CDKL5: variants seen among roughly 807,000 people sequenced by gnomAD.
CDKL5 encodes cyclin dependent kinase like 5, also known as cyclin-dependent kinase-like 5.
CDKL5 carries 8 observed loss-of-function variants against 61.7 expected under a neutral mutation model. The observed-to-expected ratio is 0.13, with a 90% CI of 0.08 to 0.23. The LOEUF (loss-of-function observed/expected upper bound fraction) is 0.23, where lower values mean the gene tolerates loss of function less well. CDKL5 is among the 10% of genes least tolerant of loss of function. CDKL5 has a pLI of 1.00. For synonymous variants in CDKL5, 275 were observed against 272.3 expected, an observed-to-expected ratio of 1.01 and a Z score of -0.10; for missense variants, 440 against 734.5, an observed-to-expected ratio of 0.60 and a Z score of 4.63.
chrX:18,512,564 C>T (rs1274050088), intron 3 of CDKL5, among the ~76,000 whole-genome samples: 4 of 110,851 alleles, frequency 3.6e-5, no homozygotes, highest in Non-Finnish European at 7.6e-5. Context: ...GGTGATTGAA[C>T]TATTTTATGT....
At position 18,632,200 on chromosome X, in the gene CDKL5, A is replaced by G. The variant is rs940614893; in HGVS notation, c.*3443A>G. On this transcript the variant is annotated 3_prime_UTR_variant, in exon 18 of 18. Coordinates refer to ENST00000623535, the MANE Select transcript of CDKL5 (RefSeq NM_001323289.2). ...GCAGGTGTGATTTCTTCAACATCAC[A>G]TTCTCTTAAGAGTCTTCAACCACTA... is the stretch of plus-strand genomic sequence containing the variant. The G allele has an allele frequency of 1.7e-5, 13 of 751,653 alleles. No homozygotes were observed. In the Admixed American group the frequency reaches 2.6e-4, roughly 15 times the overall value. 61.9% of individuals were successfully genotyped at this position (751,653 alleles called of 1,213,427 possible).
chrX:18,581,922 C>T lies in CDKL5; in HGVS notation c.435C>T (p.His145=). ...AACCAGAAAATCTCTTAATCAGCCA[C>T]AATGATGTCCTAAAACTGTGTGACT... ...DIKPENLLIS[H]NDVLKLCDFG... The change falls in exon 7 of 18, where the codon CAC becomes CAT. Residue 145 remains histidine, a synonymous_variant. Coordinates refer to ENST00000623535, the MANE Select transcript of CDKL5 (RefSeq NM_001323289.2). 8.4e-7 allele frequency: 1 copy of T among 1,196,782 alleles called. No homozygotes were observed.
chrX:18,604,253 C>T lies in CDKL5; in HGVS notation c.1329C>T (p.Asn443=). 1 of 1,211,983 alleles carries T rather than the reference C, an allele frequency of 8.3e-7. No individual in the cohort carries two copies. The highest frequency in any genetic ancestry group is 1.8e-5 in the South Asian group (1 of 57,016). The change falls in exon 12 of 18, where the codon AAC becomes AAT. Residue 443 remains asparagine, a synonymous_variant. Coordinates refer to ENST00000623535, the MANE Select transcript of CDKL5 (RefSeq NM_001323289.2). ...AGTCAAACAGCAGATCTCAGCAGAA[C>T]CGCCACTCATTCATGGAAAGCTCTC... ...YLKSNSRSQQ[N]RHSFMESSQS... is the part of the protein sequence containing the mutation.
chrX:18,509,091 AACACACACAC>A (rs34278137), intron 2 of CDKL5, among the ~76,000 whole-genome samples: 9 of 74,877 alleles, frequency 1.2e-4, no homozygotes, highest in African/African-American at 1.5e-4. Context: ...ACTGTCTCAA[AACACACACAC>A]ACACACACAC....
Position 18,629,124 on chromosome X carries a change from T to C in CDKL5, c.*367T>C, listed in dbSNP as rs2147179561. The C allele has an allele frequency of 6.4e-6, 5 of 783,215 alleles. No homozygotes were observed. The South Asian group carries it at 2.5e-4, about 39-fold the overall frequency. 64.5% of individuals were successfully genotyped at this position (783,215 alleles called of 1,213,427 possible). On this transcript the variant is annotated 3_prime_UTR_variant, in exon 18 of 18. Coordinates refer to ENST00000623535, the MANE Select transcript of CDKL5 (RefSeq NM_001323289.2). ...GGATGTGTCCTGGCACTGCAAGGGATAGGAAAGTCGTGTTGACCGATGCCC... is the reference window on the plus strand; with the variant it reads ...GGATGTGTCCTGGCACTGCAAGGGACAGGAAAGTCGTGTTGACCGATGCCC...
At chrX:18,465,226 A>G (rs1290430501) in intron 1 of CDKL5, among the ~76,000 whole-genome samples, 6 of 110,966 alleles carry the variant, frequency 5.4e-5, no homozygotes, top group Admixed American at 1.9e-4. Flanking sequence ...TGTATGATCT[A>G]TTTCTGGGCC....
chrX:18,534,402 C>T (rs1793257922), intron 3 of CDKL5, among the ~76,000 whole-genome samples: 1 of 111,697 alleles, frequency 9.0e-6, no homozygotes, highest in African/African-American at 3.3e-5. Context: ...GTATCTTAAA[C>T]TGGATTTCTT....
At chrX:18,475,239 G>A (rs1417448480) in intron 1 of CDKL5, among the ~76,000 whole-genome samples, 8 of 110,259 alleles carry the variant, frequency 7.3e-5, no homozygotes, top group South Asian at 7.6e-4. Flanking sequence ...GATTATAGGC[G>A]TGAGCCACCA....
chrX:18,508,010 G>C (rs1225790457), intron 2 of CDKL5, among the ~76,000 whole-genome samples: 1 of 110,800 alleles, frequency 9.0e-6, no homozygotes, highest in Non-Finnish European at 1.9e-5. Context: ...ATGTCATTTT[G>C]TATAAACTGA....
At chrX:18,502,308 A>T (rs1373758821) in intron 1 of CDKL5, among the ~76,000 whole-genome samples, 1 of 112,669 alleles carries the variant, frequency 8.9e-6, no homozygotes, top group Non-Finnish European at 1.9e-5. Context: ...GGAGGCAGTC[A>T]GTAATTATTT....
At chrX:18,596,953 T>C (rs1320844431) in intron 10 of CDKL5, among the ~76,000 whole-genome samples, 4 of 112,118 alleles carry the variant, frequency 3.6e-5, no homozygotes, top group Admixed American at 1.9e-4. Context: ...CAGATTTCTT[T>C]AAGTAAATAT....
At chrX:18,532,205 C>G (rs899672143) in intron 3 of CDKL5, among the ~76,000 whole-genome samples, 1 of 111,782 alleles carries the variant, frequency 8.9e-6, no homozygotes, top group African/African-American at 3.2e-5. Context: ...TATTTTCATC[C>G]CTTTGAATTT....
chrX:18,447,249 T>C (rs1301750293), intron 1 of CDKL5, among the ~76,000 whole-genome samples: 2 of 111,337 alleles, frequency 1.8e-5, no homozygotes, highest in East Asian at 5.6e-4. Context: ...GTGCCTGGGT[T>C]GAGTAATGTT....
In CDKL5 at chrX:18,628,506, C is replaced by T; in HGVS notation, c.2632C>T (p.Pro878Ser). 1.6e-6 allele frequency: 2 copies of T among 1,212,138 alleles called. No homozygotes were observed. Among genetic ancestry groups the T allele is most frequent in the Non-Finnish European group, 2.2e-6 (2 of 895,557 alleles). Residue 878 changes from proline to serine, a missense_variant, in exon 18 of 18, where the codon CCC becomes TCC. Coordinates refer to ENST00000623535, the MANE Select transcript of CDKL5 (RefSeq NM_001323289.2). ...TTCCTTCTCAGAAATTCGGATTCACCCCCTGAGCCAGGCCTCTGGCGGGAG... is the reference window on the plus strand; with the variant it reads ...TTCCTTCTCAGAAATTCGGATTCACTCCCTGAGCCAGGCCTCTGGCGGGAG... ...KNSFSEIRIH[P>S]LSQASGGSSN...
chrX:18,484,817 G>A (rs1278524006), intron 1 of CDKL5, among the ~76,000 whole-genome samples: 1 of 109,032 alleles, frequency 9.2e-6, no homozygotes, highest in Admixed American at 1.0e-4. Flanking sequence ...GGTGGTGGGG[G>A]GCAGGATCTC....
At chrX:18,509,220 CACACACACACACACACACACACACA>C (rs1922726182) in intron 2 of CDKL5, among the ~76,000 whole-genome samples, 1 of 105,896 alleles carries the variant, frequency 9.4e-6, no homozygotes, top group Admixed American at 1.1e-4. Flanking sequence ...CACACACACA[CACACACACACACACACACACACACA>C]CCCCTGTCAA....
chrX:18,603,550 G>T (rs769597471), intron 11 of CDKL5, among the ~76,000 whole-genome samples: 1 of 112,332 alleles, frequency 8.9e-6, no homozygotes, highest in Non-Finnish European at 1.9e-5. Context: ...AGAGTTTATA[G>T]CTCAGCTCTC....
intron 1 of CDKL5, among the ~76,000 whole-genome samples, chrX:18,488,403 T>G (rs1377967970): frequency 8.9e-6 from 1 of 111,902 alleles, no homozygotes; most frequent in East Asian, 2.8e-4. Context: ...GTTACAATTG[T>G]TGTATTATAC....
intron 1 of CDKL5, among the ~76,000 whole-genome samples, chrX:18,458,173 T>C (rs1932193683): frequency 9.1e-6 from 1 of 110,098 alleles, no homozygotes; most frequent in Non-Finnish European, 1.9e-5. Flanking sequence ...TCCACCTGCC[T>C]CAGCCTCCCA....
Sources: allele counts gnomAD v4.1 joint callset (sites outside exome capture counted in the v4.1 genomes callset), GRCh38; gene constraint gnomAD v4.1.1; transcripts MANE v1.5; gene names NCBI Gene and HGNC (gene_info 2026-07-23, HGNC 2026-07-21).